Variants in SLC35A4 observed in about 807,000 individuals in gnomAD.
The protein encoded by SLC35A4 is probable UDP-sugar transporter protein SLC35A4.
A neutral mutation model predicts 18.8 loss-of-function variants in SLC35A4; 9 were observed. The ratio of observed to expected loss-of-function variants is 0.48; its 90% CI spans 0.29 to 0.83. The LOEUF is 0.83. Among genes scored for constraint, SLC35A4 ranks in the 40% least tolerant of loss-of-function variants. The probability of loss-of-function intolerance (pLI) is 0.09; values close to 1 mark genes in which losing one functional copy is unlikely to be tolerated. For missense variants in SLC35A4, 404 were observed against 415.5 expected (o/e 0.97, Z 0.24); for synonymous variants, 189 against 191.9 (o/e 0.98, Z 0.13).
chr5:140,567,191 A>G lies in SLC35A4; in HGVS notation c.22A>G (p.Met8Val), dbSNP rs1360068989. 1 of 1,613,076 alleles carries G rather than the reference A, an allele frequency of 6.2e-7. No homozygotes were observed. The highest frequency in any genetic ancestry group is 8.5e-7 in the Non-Finnish European group (1 of 1,179,622). Residue 8 changes from methionine to valine, a missense_variant, in exon 3 of 3, where the codon ATG (methionine) becomes GTG (valine). By Grantham distance (21) the Met-to-Val change is conservative. Coordinates refer to ENST00000323146, the MANE Select transcript of SLC35A4 (RefSeq NM_080670.4). Reference protein sequence around the residue: MSVEDGGMPGLGRPRQAR... With the variant: MSVEDGGVPGLGRPRQAR... ...GGGTATGAGTGTAGAGGATGGGGGTATGCCAGGCCTGGGCCGTCCCAGGCA... is the reference window on the plus strand; with the variant it reads ...GGGTATGAGTGTAGAGGATGGGGGTGTGCCAGGCCTGGGCCGTCCCAGGCA...
intron 2 of SLC35A4, among the ~76,000 whole-genome samples, 157 bp downstream of exon 2, chr5:140,566,128 ATATCT>A (rs1374930011): frequency 6.6e-6 from 1 of 152,190 alleles, no homozygotes; most frequent in African/African-American, 2.4e-5. Context: ...ACATGAACTA[ATATCT>A]TAAGTAGTGG....
In SLC35A4 at chr5:140,567,149, C is replaced by T; in HGVS notation, c.-21C>T. ...GTTGCAATCCCTGCTGCCCCTTAGC[C>T]ACCCAGGGTCTTGTGTGGGTATGAG... On this transcript the variant is annotated 5_prime_UTR_variant, in exon 3 of 3. Coordinates refer to ENST00000323146, the MANE Select transcript of SLC35A4 (RefSeq NM_080670.4). The T allele has an allele frequency of 6.2e-7, 1 of 1,614,162 alleles. No individual in the cohort carries two copies. The highest frequency in any genetic ancestry group is 1.1e-5 in the South Asian group (1 of 91,070).
In SLC35A4 at chr5:140,567,253, C is replaced by T. The variant is rs754271774; in HGVS notation, c.84C>T (p.Ala28=). Residue 28 remains alanine, a synonymous_variant, in exon 3 of 3, where the codon GCC becomes GCT. Transcript: ENST00000323146. ...RWTLMLLLST[A]MYGAHAPLLA... ...CCCTGATGCTACTCCTATCCACTGC[C>T]ATGTACGGTGCCCATGCCCCATTGC... The T allele has an allele frequency of 6.2e-6, 10 of 1,614,216 alleles. No individual in the cohort carries two copies. The East Asian group carries it at 8.9e-5, about 14-fold the overall frequency.
chr5:140,566,587 C>T lies in SLC35A4; in HGVS notation c.-583C>T, dbSNP rs981108083. ...CAGGATGGCTCGCTGTTGTCCTCCC[C>T]GTTCCTCAAGGGATTCCTGGCTGGC... On this transcript the variant is annotated 5_prime_UTR_variant, in exon 3 of 3. Coordinates refer to ENST00000323146, the MANE Select transcript of SLC35A4 (RefSeq NM_080670.4). The T allele has an allele frequency of 1.2e-5, 5 of 433,488 alleles. No individual in the cohort carries two copies. Among genetic ancestry groups the T allele is most frequent in the Non-Finnish European group, 2.0e-5 (5 of 246,744 alleles). The allele number at this position is 433,488 out of a possible 1,614,324, so 26.9% of individuals were successfully genotyped here.
At chr5:140,566,367 C>T (rs1755188743) in intron 2 of SLC35A4, among the ~76,000 whole-genome samples, 198 bp from the exon 3 acceptor site, 1 of 152,144 alleles carries the variant, frequency 6.6e-6, no homozygotes, top group African/African-American at 2.4e-5. Context: ...TTTCTGACCC[C>T]AGGGTTCTGA....
At chr5:140,566,281 G>T (rs1413023946) in intron 2 of SLC35A4, among the ~76,000 whole-genome samples, 2 of 152,280 alleles carry the variant, frequency 1.3e-5, no homozygotes, top group East Asian at 3.9e-4. Flanking sequence ...AGCATGCTAG[G>T]AAATGAGGCT....
Position 140,568,415 on chromosome 5 carries a change from A to C in SLC35A4, c.*271A>C, listed in dbSNP as rs1158663718. On this transcript the variant is annotated 3_prime_UTR_variant, in exon 3 of 3. Coordinates refer to ENST00000323146, the MANE Select transcript of SLC35A4 (RefSeq NM_080670.4). ...TTCCAGACTAAAGAATTAAGGTAAC[A>C]TCAATACCTAGGCCTGAGAAATAAC... 1 of 535,340 alleles carries C rather than the reference A, an allele frequency of 1.9e-6. No individual in the cohort carries two copies. The highest frequency in any genetic ancestry group is 3.4e-6 in the Non-Finnish European group (1 of 290,332). The allele number at this position is 535,340 out of a possible 1,614,324, so 33.2% of individuals were successfully genotyped here.
In SLC35A4 at chr5:140,567,757, C is replaced by T; in HGVS notation, c.588C>T (p.Cys196=). Residue 196 remains cysteine, a synonymous_variant, in exon 3 of 3, where the codon TGC becomes TGT. Coordinates refer to ENST00000323146, the MANE Select transcript of SLC35A4 (RefSeq NM_080670.4). The part of the protein sequence containing the change: ...PLGLLLLILY[C]LISGLSSVYT... Reference sequence around the variant, plus strand: ...GCCTGCTGCTCCTCATTCTGTACTGCCTCATCTCAGGCTTGTCGTCAGTGT... The same window carrying T: ...GCCTGCTGCTCCTCATTCTGTACTGTCTCATCTCAGGCTTGTCGTCAGTGT... 1 of 1,614,130 alleles carries T rather than the reference C, an allele frequency of 6.2e-7. No individual in the cohort carries two copies. Among genetic ancestry groups the T allele is most frequent in the Non-Finnish European group, 8.5e-7 (1 of 1,180,046 alleles).
rs1755239365 is a variant in SLC35A4, at chr5:140,568,137, G to C, written c.968G>C (p.Ser323Thr). 6.2e-7 allele frequency: 1 copy of C among 1,613,640 alleles called. No individual in the cohort carries two copies. Among genetic ancestry groups the C allele is most frequent in the African/African-American group, 1.3e-5 (1 of 74,920 alleles). The change falls in exon 3 of 3, where the codon AGC becomes ACC. Residue 323 changes from serine (S) to threonine (T), a missense_variant. Ser to Thr is a moderately conservative substitution (Grantham distance 58, BLOSUM62 1). Transcript: ENST00000323146. ...CTGGCCATGCGCCTGTACTATGGCA[G>C]CCGCTAGTCCCTGACAACTTCCACC... The part of the protein sequence containing the change: ...IGLAMRLYYG[S>T]R
chr5:140,569,029 CTT>C lies in SLC35A4; in HGVS notation c.*887_*888del, dbSNP rs1045636287. 6.0e-6 allele frequency: 1 copy of C among 167,100 alleles called. No homozygotes were observed. Among genetic ancestry groups the C allele is most frequent in the African/African-American group, 2.4e-5 (1 of 41,452 alleles). 10.4% of individuals were successfully genotyped at this position (167,100 alleles called of 1,614,324 possible). On this transcript the variant is annotated 3_prime_UTR_variant, in exon 3 of 3. Transcript: ENST00000323146. ...GAAACCTGTAGCTCAATCAGTGTCT[CTT>C]TAACTGCATAAGCAATAAGATCTTA...
rs746663762 is a variant in SLC35A4, at chr5:140,568,042, C to G, written c.873C>G (p.Ala291=). The part of the protein sequence containing the change: ...FVVSCSLVVN[A]VLSAVLLRLQ... ...TGTCCTGCTCGCTGGTGGTCAACGC[C>G]GTGCTCTCAGCAGTCCTGCTACGGC... Residue 291 remains alanine, a synonymous_variant, in exon 3 of 3, where the codon GCC becomes GCG. Transcript: ENST00000323146. The G allele has an allele frequency of 1.5e-5, 25 of 1,613,854 alleles. No homozygotes were observed. The highest frequency in any genetic ancestry group is 2.0e-5 in the Non-Finnish European group (24 of 1,179,998).
In SLC35A4 at chr5:140,566,301, G is replaced by A. The variant is rs375011255; in HGVS notation, c.-605-264G>A. Among the ~76,000 whole-genome samples the A allele has an allele frequency of 5.9e-5, 9 of 152,258 alleles. No individual in the cohort carries two copies. The East Asian group carries it at 1.2e-3, about 20-fold the overall frequency. On this transcript the variant is annotated intron_variant, in intron 2 of 2. Coordinates refer to ENST00000323146, the MANE Select transcript of SLC35A4 (RefSeq NM_080670.4). ...GCTAGGAAATGAGGCTGGAGAAACC[G>A]GCAGGGCTAGGGGCATCTCTGACCT... is the stretch of plus-strand genomic sequence containing the variant.
rs1755220171 is a variant in SLC35A4 at position 140,567,530 on chromosome 5, C to G, written c.361C>G (p.Leu121Val). Residue 121 changes from leucine (L) to valine (V), a missense_variant, in exon 3 of 3, where the codon CTC becomes GTC. Coordinates refer to ENST00000323146, the MANE Select transcript of SLC35A4 (RefSeq NM_080670.4). ...CAGCACCTACCAGGTGCTGAGTAAT[C>G]TCAAGATTGGAAGCACAGCTGTGCT... ...DPSTYQVLSN[L>V]KIGSTAVLYC... The G allele has an allele frequency of 6.2e-7, 1 of 1,614,206 alleles. No individual in the cohort carries two copies. The highest frequency in any genetic ancestry group is 8.5e-7 in the Non-Finnish European group (1 of 1,180,050).
chr5:140,568,200 AT>A lies in SLC35A4; in HGVS notation c.*57del, dbSNP rs1474305403. The A allele has an allele frequency of 1.9e-6, 3 of 1,612,186 alleles. No individual in the cohort carries two copies. In the South Asian group the frequency reaches 3.3e-5, roughly 18 times the overall value. ...CCTGTAGATTGGGCGCCACCACCAG[AT>A]CCCCCTCCCAGGCCTTCCTCCCTCT... On this transcript the variant is annotated 3_prime_UTR_variant, in exon 3 of 3. Coordinates refer to ENST00000323146, the MANE Select transcript of SLC35A4 (RefSeq NM_080670.4).
At chr5:140,565,287 A>G (rs1755158761) in intron 1 of SLC35A4, 2 of 176,366 alleles carry the variant, frequency 1.1e-5, no homozygotes, top group Non-Finnish European at 2.4e-5. Flanking sequence ...CAGTCCATTT[A>G]CTTACACACT....
Position 140,567,466 on chromosome 5 carries a change from C to T in SLC35A4, c.297C>T (p.Asn99=). The T allele has an allele frequency of 6.2e-7, 1 of 1,614,164 alleles. No homozygotes were observed. Among genetic ancestry groups the T allele is most frequent in the Non-Finnish European group, 8.5e-7 (1 of 1,180,046 alleles). ...FALSALLYGA[N]NNLVIYLQRY... Reference sequence around the variant, plus strand: ...TATCAGCCCTGCTCTATGGCGCTAACAACAACCTGGTGATCTATCTTCAGC... The same window carrying T: ...TATCAGCCCTGCTCTATGGCGCTAATAACAACCTGGTGATCTATCTTCAGC... The change falls in exon 3 of 3, where the codon AAC becomes AAT. Residue 99 remains asparagine (N), a synonymous_variant. Transcript: ENST00000323146.
chr5:140,565,598 C>G (rs762317198), intron 1 of SLC35A4: 17 of 244,606 alleles, frequency 6.9e-5, no homozygotes, highest in Non-Finnish European at 1.3e-4. Context: ...GCTGTCCCTC[C>G]TGCCTTTCCT....
Position 140,567,536 on chromosome 5 carries a change from A to G in SLC35A4, c.367A>G (p.Ile123Val), listed in dbSNP as rs749530696. Residue 123 changes from isoleucine (I) to valine (V), a missense_variant, in exon 3 of 3, where the codon ATT becomes GTT. Coordinates refer to ENST00000323146, the MANE Select transcript of SLC35A4 (RefSeq NM_080670.4). ...CTACCAGGTGCTGAGTAATCTCAAG[A>G]TTGGAAGCACAGCTGTGCTCTACTG... ...STYQVLSNLKIGSTAVLYCLC... is the reference protein window; with the variant it reads ...STYQVLSNLKVGSTAVLYCLC... 8.1e-6 allele frequency: 13 copies of G among 1,614,116 alleles called. No individual in the cohort carries two copies. The African/African-American group carries it at 1.6e-4, about 20-fold the overall frequency.
intron 2 of SLC35A4, 35 bp downstream of exon 2, chr5:140,566,006 T>A: frequency 2.5e-6 from 1 of 398,950 alleles, no homozygotes; most frequent in Non-Finnish European, 4.4e-6. Context: ...TGCCTTAGGC[T>A]TTATTGCCCA....
Sources: gnomAD v4.1 joint callset for allele counts (sites outside exome capture counted in the v4.1 genomes callset) on GRCh38, gnomAD v4.1.1 for gene constraint, MANE v1.5 for transcripts, NCBI Gene and HGNC (gene_info 2026-07-23, HGNC 2026-07-21) for gene names.